The following TWIST2 variants were observed in gnomAD, a reference collection of about 807,000 sequenced individuals.
TWIST2 encodes the protein twist family bHLH transcription factor 2.
A neutral mutation model predicts 11.6 loss-of-function variants in TWIST2; 1 was observed. That is an observed-to-expected ratio of 0.09 (90% confidence interval 0.03 to 0.41). The LOEUF (loss-of-function observed/expected upper bound fraction) is 0.41, where lower values mean the gene tolerates loss of function less well. Ranked by LOEUF, TWIST2 falls within the 10% of genes least tolerant of loss-of-function variation. The pLI, the probability that TWIST2 is intolerant of heterozygous loss-of-function variation, is 0.98. For synonymous variants in TWIST2, 87 were observed against 96.6 expected, an observed-to-expected ratio of 0.90 and a Z score of 0.58; for missense variants, 168 against 226.4, an observed-to-expected ratio of 0.74 and a Z score of 1.66.
intron 1 of TWIST2, among the ~76,000 whole-genome samples, chr2:238,878,749 G>A (rs1283017736): frequency 6.7e-6 from 1 of 150,230 alleles, no homozygotes; most frequent in Non-Finnish European, 1.5e-5. Flanking sequence ...GCTAATAACT[G>A]TCTGTGACCA....
intron 1 of TWIST2, among the ~76,000 whole-genome samples, chr2:238,904,775 A>G (rs1693321362): frequency 6.6e-6 from 1 of 152,096 alleles, no homozygotes; most frequent in African/African-American, 2.4e-5. Context: ...AATGGAAGGA[A>G]GAAAGGGAGG....
At chr2:238,859,571 A>C (rs1692393268) in intron 1 of TWIST2, among the ~76,000 whole-genome samples, 1 of 123,326 alleles carries the variant, frequency 8.1e-6, no homozygotes, top group African/African-American at 3.3e-5. Context: ...TACTACTATC[A>C]CCAAAAAAAA....
At chr2:238,881,523 G>A (rs1187622033) in intron 1 of TWIST2, among the ~76,000 whole-genome samples, 1 of 152,006 alleles carries the variant, frequency 6.6e-6, no homozygotes, top group Admixed American at 6.6e-5. Context: ...GTATTTGTTA[G>A]TATTAGTGTT....
rs574045862 is a variant in TWIST2, at chr2:238,884,876, C to T, written c.*36-24966C>T. The stretch of plus-strand genomic sequence containing the variant: ...ATTCCAGGGCTGAGCTGCGCACACC[C>T]AGTTGACTCTTCCCAAACCCACCAG... On this transcript the variant is annotated intron_variant, in intron 1 of 1. Transcript: ENST00000612363. 7.7e-4 allele frequency among the ~76,000 whole-genome samples: 118 copies of T among 152,330 alleles called. 2 individuals carry two copies. Among genetic ancestry groups the T allele is most frequent in the Admixed American group, 7.3e-3 (111 of 15,308 alleles).
At position 238,867,513 on chromosome 2, in the gene TWIST2, G is replaced by A. The variant is rs987163367; in HGVS notation, c.*35+18780G>A. Among the ~76,000 whole-genome samples, 15 of 152,242 alleles carry A rather than the reference G, an allele frequency of 9.9e-5. No homozygotes were observed. In the East Asian group the frequency reaches 2.7e-3, roughly 28 times the overall value. ...CCAGCCAGCTCCCGGGGTGGTGTGG[G>A]CTGAGGAAGAGGCTGGGAGGAGAGA... On this transcript the variant is annotated intron_variant, in intron 1 of 1. Transcript: ENST00000612363. The surrounding 1 kb of genome is among the most constrained non-coding windows in gnomAD (Gnocchi z 4.8).
intron 1 of TWIST2, among the ~76,000 whole-genome samples, chr2:238,885,838 TG>T (rs1399952975): frequency 6.6e-6 from 1 of 152,116 alleles, no homozygotes; most frequent in Non-Finnish European, 1.5e-5. Context: ...TTGAGATGTT[TG>T]GGGCCTGGAG....
At chr2:238,889,680 G>A (rs545559465) in intron 1 of TWIST2, among the ~76,000 whole-genome samples, 8 of 152,104 alleles carry the variant, frequency 5.3e-5, no homozygotes, top group Non-Finnish European at 1.0e-4. Context: ...AGTCCTCTAC[G>A]GCCCCATTGC....
chr2:238,879,688 C>T (rs191043800), intron 1 of TWIST2, among the ~76,000 whole-genome samples: 51 of 152,368 alleles, frequency 3.3e-4, no homozygotes, highest in African/African-American at 1.1e-3. Context: ...CCAGCTGGGT[C>T]AAGCACCAGC....
At chr2:238,878,136 A>T (rs1361014615) in intron 1 of TWIST2, among the ~76,000 whole-genome samples, 2 of 152,288 alleles carry the variant, frequency 1.3e-5, no homozygotes, top group East Asian at 3.9e-4. Context: ...GATGTCGTTA[A>T]AGGCTGATGT....
At chr2:238,870,409 T>C (rs1203521161) in intron 1 of TWIST2, among the ~76,000 whole-genome samples, 5 of 358 alleles carry the variant, frequency 0.014, no homozygotes, top group Admixed American at 0.062. Flanking sequence ...ACACATCACA[T>C]ACCACACACA....
chr2:238,893,092 G>A (rs975296008), intron 1 of TWIST2, among the ~76,000 whole-genome samples: 1 of 152,196 alleles, frequency 6.6e-6, no homozygotes, highest in Non-Finnish European at 1.5e-5. Context: ...CACACCTTCA[G>A]CTGAAATCTG....
At position 238,904,313 on chromosome 2, in the gene TWIST2, G is replaced by A. The variant is rs906123538; in HGVS notation, c.*36-5529G>A. Among the ~76,000 whole-genome samples the A allele has an allele frequency of 2.1e-3, 303 of 145,172 alleles. 3 individuals carry two copies. The highest frequency in any genetic ancestry group is 7.4e-3 in the African/African-American group (291 of 39,172). On this transcript the variant is annotated intron_variant, in intron 1 of 1. Transcript: ENST00000612363. ...TGTGTGATGGGGGTGTGTCTAATGT[G>A]AGGTGTGTGTGTGTGATATGGGATG...
intron 1 of TWIST2, among the ~76,000 whole-genome samples, chr2:238,905,523 C>T (rs1693329537): frequency 6.6e-6 from 1 of 152,176 alleles, no homozygotes; most frequent in Non-Finnish European, 1.5e-5. Context: ...CCCGTTTCTG[C>T]CTGAGCCTGG....
At chr2:238,870,325 ACC>A (rs1559273924) in intron 1 of TWIST2, among the ~76,000 whole-genome samples, 1 of 82,786 alleles carries the variant, frequency 1.2e-5, no homozygotes, top group Admixed American at 1.4e-4. Flanking sequence ...ACCCCCACAC[ACC>A]CCACACACCC....
intron 1 of TWIST2, among the ~76,000 whole-genome samples, chr2:238,857,059 C>G (rs1294265380): frequency 6.6e-6 from 1 of 152,132 alleles, no homozygotes; most frequent in East Asian, 1.9e-4. Context: ...GGAAGGTGGT[C>G]AGGGGGCCAT....
intron 1 of TWIST2, among the ~76,000 whole-genome samples, chr2:238,890,651 G>A (rs1693115177): frequency 6.6e-6 from 1 of 152,166 alleles, no homozygotes; most frequent in Non-Finnish European, 1.5e-5. Context: ...AAGACTTGTT[G>A]GAGCATGCTA....
At chr2:238,874,132 G>A (rs1269595422) in intron 1 of TWIST2, among the ~76,000 whole-genome samples, 1 of 152,170 alleles carries the variant, frequency 6.6e-6, no homozygotes, top group Non-Finnish European at 1.5e-5. Flanking sequence ...ATGAGGGATG[G>A]GATCCCATGT....
chr2:238,868,999 C>T (rs578243667), intron 1 of TWIST2, among the ~76,000 whole-genome samples: 14 of 152,332 alleles, frequency 9.2e-5, no homozygotes, highest in Non-Finnish European at 1.6e-4. Context: ...GTGTCGTCCG[C>T]ACCAGCATCA....
chr2:238,905,384 C>T (rs1202476765), intron 1 of TWIST2, among the ~76,000 whole-genome samples: 1 of 152,182 alleles, frequency 6.6e-6, no homozygotes, highest in Non-Finnish European at 1.5e-5. Flanking sequence ...GGAGGCGCTC[C>T]CCAGCCCCAG....
Sources: allele counts gnomAD v4.1 joint callset (sites outside exome capture counted in the v4.1 genomes callset), GRCh38; gene constraint gnomAD v4.1.1; non-coding constraint Gnocchi (gnomAD v3.1); transcripts MANE v1.5; gene names NCBI Gene and HGNC (gene_info 2026-07-23, HGNC 2026-07-21).